SMARCAL1: variants seen among roughly 807,000 people sequenced by gnomAD.
SMARCAL1 encodes ATP-driven annealing helicase.
In SMARCAL1, 58 loss-of-function variants were observed where a neutral mutation model predicts 94.5. The ratio of observed to expected loss-of-function variants is 0.61; its 90% CI spans 0.50 to 0.76. The LOEUF (loss-of-function observed/expected upper bound fraction) is 0.76, where lower values mean the gene tolerates loss of function less well. Ranked by LOEUF, SMARCAL1 falls within the 30% of genes least tolerant of loss-of-function variation. SMARCAL1 has a pLI of 0.00. For missense variants in SMARCAL1, 1,051 were observed against 1,177.9 expected (o/e 0.89, Z 1.58); for synonymous variants, 422 against 455.1 (o/e 0.93, Z 0.93).
chr2:216,442,141 C>T (rs563005179), intron 10 of SMARCAL1, among the ~76,000 whole-genome samples: 1 of 152,022 alleles, frequency 6.6e-6, no homozygotes, highest in South Asian at 2.1e-4. Flanking sequence ...TGGGGCCGGG[C>T]GCAGTGGCTC....
chr2:216,474,810 A>T (rs1229038986), intron 14 of SMARCAL1, among the ~76,000 whole-genome samples: 1 of 152,200 alleles, frequency 6.6e-6, no homozygotes, highest in Non-Finnish European at 1.5e-5. Context: ...ATTAGTGGCT[A>T]TCAGGAGCTA....
rs1219295982 is a variant in SMARCAL1 at position 216,482,794 on chromosome 2, A to G, written c.2682A>G (p.Gly894=). The change falls in exon 18 of 18, where the codon GGA becomes GGG. Residue 894 remains glycine (G), a synonymous_variant. Coordinates refer to ENST00000357276, the MANE Select transcript of SMARCAL1 (RefSeq NM_014140.4). This position sits in a 1 kb window ranked among gnomAD's most constrained non-coding sequence, Gnocchi z 4.3. The stretch of plus-strand genomic sequence containing the variant: ...TCCAGAAGTCCTTTGAGAAAGAAGG[A>G]AGTGATATGGAGCTCCTGGAAGCAG... ...DLFQKSFEKE[G]SDMELLEAAE... 1 of 1,614,180 alleles carries G rather than the reference A, an allele frequency of 6.2e-7. No homozygotes were observed. Among genetic ancestry groups the G allele is most frequent in the Non-Finnish European group, 8.5e-7 (1 of 1,180,020 alleles).
intron 17 of SMARCAL1, among the ~76,000 whole-genome samples, chr2:216,480,229 A>G (rs1160727647): frequency 6.6e-6 from 1 of 152,188 alleles, no homozygotes; most frequent in African/African-American, 2.4e-5. Context: ...TTATTTTTTA[A>G]TTAAGATGGG....
intron 4 of SMARCAL1, among the ~76,000 whole-genome samples, chr2:216,417,807 A>G (rs899704132): frequency 2.0e-5 from 3 of 152,098 alleles, no homozygotes; most frequent in Non-Finnish European, 2.9e-5. Context: ...GTGATCTTAA[A>G]CCAGTGGTTT....
In SMARCAL1 at chr2:216,469,183, TCTC is replaced by T. The variant is rs570139870; in HGVS notation, c.2244+1140_2244+1142del. Among the ~76,000 whole-genome samples the T allele has an allele frequency of 2.0e-4, 31 of 152,212 alleles. No homozygotes were observed. The South Asian group carries it at 4.0e-3, about 19-fold the overall frequency. On this transcript the variant is annotated intron_variant, in intron 14 of 17. Transcript: ENST00000357276. The stretch of plus-strand genomic sequence containing the variant: ...GTACGTATCCATAAGCAATTTATCG[TCTC>T]CTTTTTGCTTATTTTTAAAAATTTA...
chr2:216,457,593 T>G (rs1183614590), intron 12 of SMARCAL1, among the ~76,000 whole-genome samples: 2 of 152,276 alleles, frequency 1.3e-5, no homozygotes, highest in Non-Finnish European at 2.9e-5. Context: ...GACTACTGGG[T>G]ACATAACGAA....
Position 216,478,366 on chromosome 2 carries a change from T to C in SMARCAL1, c.2625+67T>C, listed in dbSNP as rs570819761. 8 of 1,263,394 alleles carry C rather than the reference T, an allele frequency of 6.3e-6. No individual in the cohort carries two copies. The African/African-American group carries it at 8.8e-5, about 14-fold the overall frequency. 78.3% of individuals were successfully genotyped at this position (1,263,394 alleles called of 1,614,324 possible). A position where few individuals can be genotyped will look rare whatever the true frequency, so the allele number is the denominator to read the frequency against. On this transcript the variant is annotated intron_variant, in intron 17 of 17. Transcript: ENST00000357276. ...GGCATTAAGCTGTCTGCCAAGTCTT[T>C]GGGTCCTGAGTAGGAGGATGTGAAT...
chr2:216,451,352 C>A (rs1694446167), intron 12 of SMARCAL1: 3 of 432,952 alleles, frequency 6.9e-6, no homozygotes, highest in Admixed American at 7.0e-5. Context: ...CCGAATCCCT[C>A]AAAGAATGTG....
intron 7 of SMARCAL1, 99 bp downstream of exon 7, chr2:216,428,881 AC>A: frequency 8.9e-7 from 1 of 1,117,912 alleles, no homozygotes; most frequent in Non-Finnish European, 1.3e-6. Flanking sequence ...ACTTTTATTT[AC>A]CATGGATAGA....
intron 17 of SMARCAL1, chr2:216,479,395 T>C (rs905453134): frequency 2.0e-5 from 3 of 150,594 alleles, no homozygotes; most frequent in African/African-American, 7.4e-5. Context: ...TGATGGTCAC[T>C]GTACTCTAAA....
At chr2:216,466,922 C>T (rs1156363512) in intron 13 of SMARCAL1, among the ~76,000 whole-genome samples, 3 of 152,188 alleles carry the variant, frequency 2.0e-5, no homozygotes, top group Admixed American at 6.5e-5. Context: ...AGTCCACGTA[C>T]CTTTCCCTCA....
intron 6 of SMARCAL1, 84 bp downstream of exon 6, chr2:216,423,767 A>G (rs937488616): frequency 1.6e-6 from 2 of 1,241,624 alleles, no homozygotes; most frequent in South Asian, 2.4e-5. Context: ...TTTTTGAAGA[A>G]TCTTCTCCTC....
At chr2:216,470,559 C>T (rs1487153227) in intron 14 of SMARCAL1, among the ~76,000 whole-genome samples, 1 of 151,066 alleles carries the variant, frequency 6.6e-6, no homozygotes, top group East Asian at 1.9e-4. Context: ...ACGAATGCTG[C>T]TCACTGAAGC....
In SMARCAL1 at chr2:216,450,283, G is replaced by A. The variant is rs191705435; in HGVS notation, c.1852-563G>A. On this transcript the variant is annotated intron_variant, in intron 11 of 17. Coordinates refer to ENST00000357276, the MANE Select transcript of SMARCAL1 (RefSeq NM_014140.4). ...AGCCAGACTGCCAGAAGCCTATGTG[G>A]TGGGCTCCTCCTGCCAACCCCAGCT... 6.6e-4 allele frequency among the ~76,000 whole-genome samples: 100 copies of A among 152,304 alleles called. No homozygotes were observed. The East Asian group carries it at 0.019, about 29-fold the overall frequency.
chr2:216,478,097 C>A, intron 16 of SMARCAL1, 106 bp from the exon 17 acceptor site: 1 of 940,754 alleles, frequency 1.1e-6, no homozygotes, highest in Middle Eastern at 2.2e-4. Flanking sequence ...GATGTGAAAC[C>A]GTAAACAAGC....
intron 4 of SMARCAL1, among the ~76,000 whole-genome samples, chr2:216,418,244 A>C (rs1415323092): frequency 6.6e-6 from 1 of 152,188 alleles, no homozygotes; most frequent in African/African-American, 2.4e-5. Context: ...AATGCTCCAC[A>C]TGTTTTGAAA....
intron 12 of SMARCAL1, among the ~76,000 whole-genome samples, chr2:216,459,353 C>T (rs1694645542): frequency 6.6e-6 from 1 of 152,114 alleles, no homozygotes; most frequent in Admixed American, 6.6e-5. Context: ...TCATATGGAA[C>T]CAAAAAAGAG....
At chr2:216,465,023 T>C (rs1393644622) in intron 13 of SMARCAL1, among the ~76,000 whole-genome samples, 1 of 152,160 alleles carries the variant, frequency 6.6e-6, no homozygotes, top group Non-Finnish European at 1.5e-5. Flanking sequence ...GGCATGCACC[T>C]GTGGTCCCAA....
chr2:216,439,022 G>A (rs544623054), intron 10 of SMARCAL1, among the ~76,000 whole-genome samples: 1 of 152,286 alleles, frequency 6.6e-6, no homozygotes, highest in Non-Finnish European at 1.5e-5. Context: ...CACTGGCAAA[G>A]CTAAGATGGG....
Sources: allele counts gnomAD v4.1 joint callset (sites outside exome capture counted in the v4.1 genomes callset), GRCh38; gene constraint gnomAD v4.1.1; non-coding constraint Gnocchi (gnomAD v3.1); transcripts MANE v1.5; gene names NCBI Gene and HGNC (gene_info 2026-07-23, HGNC 2026-07-21).